MYRFL: variants seen among roughly 807,000 people sequenced by gnomAD.
The protein encoded by MYRFL is myelin regulatory factor-like protein.
A neutral mutation model predicts 109.4 loss-of-function variants in MYRFL; 88 were observed. The ratio of observed to expected loss-of-function variants is 0.80; its 90% CI spans 0.68 to 0.96. MYRFL has a LOEUF of 0.96. Among genes scored for constraint, MYRFL ranks in the 40% least tolerant of loss-of-function variants. The probability of loss-of-function intolerance (pLI) is 0.00; values close to 1 mark genes in which losing one functional copy is unlikely to be tolerated. For synonymous variants in MYRFL, 324 were observed against 320.9 expected, an observed-to-expected ratio of 1.01 and a Z score of -0.10; for missense variants, 957 against 954.9, an observed-to-expected ratio of 1.00 and a Z score of -0.03.
intron 13 of MYRFL, among the ~76,000 whole-genome samples, chr12:69,924,050 G>A (rs936440898): frequency 2.4e-4 from 37 of 151,972 alleles, no homozygotes; most frequent in Admixed American, 1.4e-3. Context: ...TTAGCCGGGC[G>A]TGGTGGTGGG....
rs1403486990 is a variant in MYRFL, at chr12:69,936,166, G to A, written c.1970G>A (p.Arg657His). Residue 657 changes from arginine to histidine, a missense_variant, in exon 17 of 25, where the codon CGT (arginine) becomes CAT (histidine). Arg to His is a conservative substitution (Grantham distance 29). Transcript: ENST00000552032. ...YILSLKDQDR[R>H]VPNLPPSNIT... ...CTTAGCTTAAAAGATCAAGACCGAC[G>A]TGTCCCAAATCTCCCTCCAAGGTGA... The A allele has an allele frequency of 6.9e-6, 10 of 1,457,412 alleles. No homozygotes were observed. Among genetic ancestry groups the A allele is most frequent in the East Asian group, 5.9e-5 (2 of 33,962 alleles). The allele number at this position is 1,457,412 out of a possible 1,614,324, so 90.3% of individuals were successfully genotyped here.
intron 1 of MYRFL, among the ~76,000 whole-genome samples, chr12:69,853,939 C>T (rs61927964): frequency 0.12 from 17,741 of 152,096 alleles, 1,276 homozygotes; most frequent in Middle Eastern, 0.19. Flanking sequence ...ACTTCCCAGA[C>T]GGGGTGGCGG....
At chr12:69,958,133 C>A in intron 23 of MYRFL, 116 bp from the exon 24 acceptor site, 1 of 1,186,214 alleles carries the variant, frequency 8.4e-7, no homozygotes, top group Non-Finnish European at 1.2e-6. Flanking sequence ...CCATCAAAAG[C>A]TGTGATCCCA....
intron 15 of MYRFL, among the ~76,000 whole-genome samples, chr12:69,930,376 G>T (rs1023136809): frequency 9.9e-5 from 15 of 152,160 alleles, no homozygotes; most frequent in African/African-American, 3.6e-4. Context: ...CATTCAGTCA[G>T]TAGGGTTCCT....
At chr12:69,831,287 G>T (rs575175707) in intron 1 of MYRFL, among the ~76,000 whole-genome samples, 1 of 152,176 alleles carries the variant, frequency 6.6e-6, no homozygotes, top group South Asian at 2.1e-4. Flanking sequence ...TATTGTCTGT[G>T]GCTGCTTTGA....
intron 13 of MYRFL, among the ~76,000 whole-genome samples, chr12:69,925,611 A>G (rs1152966): frequency 0.66 from 100,221 of 151,866 alleles, 33,744 homozygotes; most frequent in East Asian, 0.99. Context: ...AGTTGATAAG[A>G]GCTTTCCAGG....
chr12:69,950,788 G>T (rs1002297375), intron 19 of MYRFL, among the ~76,000 whole-genome samples: 1 of 152,070 alleles, frequency 6.6e-6, no homozygotes, highest in African/African-American at 2.4e-5. Flanking sequence ...TTACATTAGC[G>T]TGTGTGATTC....
At chr12:69,921,532 G>C (rs559693069) in intron 13 of MYRFL, among the ~76,000 whole-genome samples, 1 of 152,156 alleles carries the variant, frequency 6.6e-6, no homozygotes, top group African/African-American at 2.4e-5. Context: ...CTGTAACAAT[G>C]GGGGACAGAA....
chr12:69,827,635 A>G, intron 1 of MYRFL, among the ~76,000 whole-genome samples: 1 of 152,140 alleles, frequency 6.6e-6, no homozygotes, highest in African/African-American at 2.4e-5. Context: ...TTTATTTATA[A>G]TAACTAAAAA....
chr12:69,896,217 C>A (rs1183068817), intron 9 of MYRFL, among the ~76,000 whole-genome samples: 1 of 152,190 alleles, frequency 6.6e-6, no homozygotes, highest in East Asian at 1.9e-4. Context: ...GAGACAATAA[C>A]AATATTCTAC....
chr12:69,890,102 G>A (rs1278150283), intron 6 of MYRFL, among the ~76,000 whole-genome samples: 1 of 152,172 alleles, frequency 6.6e-6, no homozygotes, highest in East Asian at 1.9e-4. Context: ...AGTGAAAACA[G>A]GTTTCCAATC....
intron 13 of MYRFL, among the ~76,000 whole-genome samples, chr12:69,913,084 T>C (rs1240278): frequency 0.96 from 145,707 of 152,240 alleles, 69,766 homozygotes; most frequent in Non-Finnish European, 0.97. Flanking sequence ...TTTTCATGTG[T>C]TTATTGTTCA....
intron 11 of MYRFL, among the ~76,000 whole-genome samples, chr12:69,906,238 C>T (rs759228785): frequency 1.3e-5 from 2 of 152,082 alleles, no homozygotes; most frequent in Non-Finnish European, 2.9e-5. Context: ...CTCTGATGCT[C>T]ACAGGGACAC....
At chr12:69,911,158 T>C (rs1954553907) in intron 13 of MYRFL, among the ~76,000 whole-genome samples, 1 of 152,152 alleles carries the variant, frequency 6.6e-6, no homozygotes, top group Admixed American at 6.5e-5. Context: ...GCATATGCAA[T>C]AGTAAGAATT....
intron 10 of MYRFL, among the ~76,000 whole-genome samples, chr12:69,899,732 C>A (rs1392539080): frequency 6.6e-6 from 1 of 152,044 alleles, no homozygotes; most frequent in East Asian, 1.9e-4. Flanking sequence ...GAATTCTGAC[C>A]AAGCTTGTCA....
chr12:69,901,076 A>G (rs1217798571), intron 10 of MYRFL, among the ~76,000 whole-genome samples: 1 of 152,250 alleles, frequency 6.6e-6, no homozygotes, highest in African/African-American at 2.4e-5. Flanking sequence ...AGGACACAGT[A>G]CAGAGAAAGA....
chr12:69,893,610 G>A (rs2136340385), intron 7 of MYRFL, among the ~76,000 whole-genome samples, 154 bp from the exon 8 acceptor site: 1 of 152,176 alleles, frequency 6.6e-6, no homozygotes, highest in Middle Eastern at 3.4e-3. Context: ...GTTAAGGTAG[G>A]GACTATTGTC....
At chr12:69,894,576 T>G (rs1264036457) in intron 8 of MYRFL, among the ~76,000 whole-genome samples, 1 of 152,246 alleles carries the variant, frequency 6.6e-6, no homozygotes, top group Non-Finnish European at 1.5e-5. Flanking sequence ...CATGCTGTAC[T>G]TAGAAGTCAT....
intron 13 of MYRFL, among the ~76,000 whole-genome samples, chr12:69,913,473 A>G (rs868253029): frequency 5.9e-5 from 9 of 152,112 alleles, no homozygotes; most frequent in Middle Eastern, 3.4e-3. Flanking sequence ...TTTAGTTAAT[A>G]TTTGTGTTAG....
Sources: gnomAD v4.1 joint callset for allele counts (sites outside exome capture counted in the v4.1 genomes callset) on GRCh38, gnomAD v4.1.1 for gene constraint, MANE v1.5 for transcripts, NCBI Gene and HGNC (gene_info 2026-07-23, HGNC 2026-07-21) for gene names.